The following PPARD variants were observed in gnomAD, a reference collection of about 807,000 sequenced individuals.
PPARD encodes the protein peroxisome proliferator activated receptor delta.
PPARD carries 6 observed loss-of-function variants against 39.5 expected under a neutral mutation model. That is an observed-to-expected ratio of 0.15 (90% CI 0.08 to 0.30). The LOEUF is 0.30. Ranked by LOEUF, PPARD falls within the 10% of genes least tolerant of loss-of-function variation. The pLI is 1.00. For missense variants in PPARD, 397 were observed against 596.8 expected (o/e 0.67, Z 3.49); for synonymous variants, 210 against 231.3 (o/e 0.91, Z 0.83).
chr6:35,391,622 C>T (rs895989436), intron 2 of PPARD, among the ~76,000 whole-genome samples: 8 of 152,208 alleles, frequency 5.3e-5, no homozygotes, highest in African/African-American at 1.9e-4. Flanking sequence ...TTGGGAATTG[C>T]TGACAGCCAT....
intron 2 of PPARD, among the ~76,000 whole-genome samples, chr6:35,362,827 T>C (rs1404311432): frequency 2.0e-5 from 3 of 152,172 alleles, no homozygotes; most frequent in Non-Finnish European, 4.4e-5. Context: ...TGGCACCTGC[T>C]CCTCCACCCT....
intron 2 of PPARD, among the ~76,000 whole-genome samples, chr6:35,387,795 C>G (rs1381134676): frequency 7.2e-6 from 1 of 138,780 alleles, no homozygotes; most frequent in African/African-American, 2.8e-5. Flanking sequence ...GATCTCTGCT[C>G]ACTGCAACCT....
chr6:35,351,215 C>T (rs1268774109), intron 2 of PPARD, among the ~76,000 whole-genome samples: 3 of 151,538 alleles, frequency 2.0e-5, no homozygotes, highest in African/African-American at 4.9e-5. Flanking sequence ...TTAGTAGAGA[C>T]GGGGTTTCAC....
At chr6:35,418,105 A>G (rs1765892641) in intron 3 of PPARD, among the ~76,000 whole-genome samples, 1 of 152,196 alleles carries the variant, frequency 6.6e-6, no homozygotes, top group African/African-American at 2.4e-5. Flanking sequence ...TCCAAAGGGA[A>G]CGTGAGTAGA....
In PPARD at chr6:35,425,979, T is replaced by G. The variant is rs1227248054; in HGVS notation, c.1226T>G (p.Leu409Arg). 1 of 1,613,990 alleles carries G rather than the reference T, an allele frequency of 6.2e-7. No individual in the cohort carries two copies. The change falls in exon 8 of 8, where the codon CTG becomes CGG. Residue 409 changes from leucine to arginine, a missense_variant. By Grantham distance (102) the Leu-to-Arg change is moderately radical (BLOSUM62 -2). Transcript: ENST00000360694. This position sits in a 1 kb window ranked among gnomAD's most constrained non-coding sequence, Gnocchi z 4.5. ...LLQKMADLRQ[L>R]VTEHAQMMQR... ...CAGAAGATGGCTGACCTGCGGCAACTGGTCACCGAGCACGCCCAGATGATG... is the reference window on the plus strand; with the variant it reads ...CAGAAGATGGCTGACCTGCGGCAACGGGTCACCGAGCACGCCCAGATGATG...
chr6:35,405,807 T>C (rs1023088394), intron 2 of PPARD, among the ~76,000 whole-genome samples: 6 of 152,108 alleles, frequency 3.9e-5, no homozygotes, highest in Non-Finnish European at 7.4e-5. Flanking sequence ...TTTTTGTATT[T>C]TTAGTAGAGA....
At position 35,385,658 on chromosome 6, in the gene PPARD, A is replaced by C. The variant is rs566042921; in HGVS notation, c.-101-25329A>C. Among the ~76,000 whole-genome samples the C allele has an allele frequency of 4.3e-3, 646 of 150,522 alleles. 5 individuals are homozygous for C. Among genetic ancestry groups the C allele is most frequent in the Non-Finnish European group, 7.8e-3 (531 of 67,800 alleles). ...AAATAAATAAATTTAAAAAAAAAAAAAAAAAAAAACAAATGGGTAACTTGC... is the reference window on the plus strand; with the variant it reads ...AAATAAATAAATTTAAAAAAAAAAACAAAAAAAAACAAATGGGTAACTTGC... On this transcript the variant is annotated intron_variant, in intron 2 of 7. Transcript: ENST00000360694.
chr6:35,374,140 C>T (rs1417390105), intron 2 of PPARD, among the ~76,000 whole-genome samples: 1 of 152,112 alleles, frequency 6.6e-6, no homozygotes, highest in East Asian at 1.9e-4. Context: ...ACAGGGTTTC[C>T]TGCCTCCAAA....
intron 4 of PPARD, among the ~76,000 whole-genome samples, chr6:35,421,152 G>A (rs963196194): frequency 1.3e-5 from 2 of 151,712 alleles, no homozygotes; most frequent in Non-Finnish European, 2.9e-5. Context: ...TAATAGGGAC[G>A]GGGTTTCACC....
chr6:35,424,554 G>A lies in PPARD; in HGVS notation c.853G>A (p.Gly285Ser). 1 of 1,614,246 alleles carries A rather than the reference G, an allele frequency of 6.2e-7. No individual in the cohort carries two copies. Among genetic ancestry groups the A allele is most frequent in the Non-Finnish European group, 8.5e-7 (1 of 1,180,046 alleles). Residue 285 changes from glycine (G) to serine (S), a missense_variant, in exon 7 of 8, where the codon GGC becomes AGC. Physicochemically the swap from Gly to Ser is moderately conservative, Grantham distance 56 (BLOSUM62 0). Transcript: ENST00000360694. This position sits in a 1 kb window ranked among gnomAD's most constrained non-coding sequence, Gnocchi z 7.1. ...CGACCAGGTTACCCTTCTCAAGTAT[G>A]GCGTGCACGAGGCCATCTTCGCCAT... The part of the protein sequence containing the change: ...LNDQVTLLKY[G>S]VHEAIFAMLA...
intron 2 of PPARD, among the ~76,000 whole-genome samples, chr6:35,360,090 G>A (rs560598003): frequency 1.3e-5 from 2 of 152,238 alleles, no homozygotes; most frequent in East Asian, 3.9e-4. Flanking sequence ...GGGGCCTCCT[G>A]CAGAGTCTCA....
At chr6:35,403,387 A>G (rs1434584560) in intron 2 of PPARD, among the ~76,000 whole-genome samples, 1 of 152,072 alleles carries the variant, frequency 6.6e-6, no homozygotes, top group East Asian at 1.9e-4. Context: ...AAGTCATAGG[A>G]TGGGAGGGAT....
Position 35,424,108 on chromosome 6 carries a change from A to G in PPARD, c.587A>G (p.Lys196Arg). The change falls in exon 6 of 8, where the codon AAG (lysine) becomes AGG (arginine). Residue 196 changes from lysine (K) to arginine (R), a missense_variant. Physicochemically the swap from Lys to Arg is conservative, Grantham distance 26. Coordinates refer to ENST00000360694, the MANE Select transcript of PPARD (RefSeq NM_006238.5). The surrounding 1 kb of genome is among the most constrained non-coding windows in gnomAD (Gnocchi z 7.1). ...AAAAACTTCAACATGACCAAAAAGA[A>G]GGCCCGCAGCATCCTCACCGGCAAA... ...YLKNFNMTKK[K>R]ARSILTGKAS... 6.2e-7 allele frequency: 1 copy of G among 1,613,740 alleles called. No homozygotes were observed. Among genetic ancestry groups the G allele is most frequent in the Non-Finnish European group, 8.5e-7 (1 of 1,180,034 alleles).
intron 2 of PPARD, among the ~76,000 whole-genome samples, chr6:35,364,317 A>G (rs1312712765): frequency 1.3e-5 from 2 of 151,098 alleles, no homozygotes; most frequent in Non-Finnish European, 3.0e-5. Context: ...GGTTGTTTCC[A>G]TTTTTTGACT....
intron 2 of PPARD, among the ~76,000 whole-genome samples, chr6:35,400,464 G>A (rs1484578951): frequency 6.6e-6 from 1 of 152,160 alleles, no homozygotes; most frequent in Non-Finnish European, 1.5e-5. Context: ...AACTGAGCTA[G>A]CCAGGTGCCC....
Position 35,425,476 on chromosome 6 carries a change from C to G in PPARD, c.1079-356C>G. 1 of 1,057,110 alleles carries G rather than the reference C, an allele frequency of 9.5e-7. No individual in the cohort carries two copies. Among genetic ancestry groups the G allele is most frequent in the Non-Finnish European group, 1.2e-6 (1 of 836,846 alleles). 65.5% of individuals were successfully genotyped at this position (1,057,110 alleles called of 1,614,324 possible). On this transcript the variant is annotated intron_variant, in intron 7 of 7. Transcript: ENST00000360694. The surrounding 1 kb of genome is among the most constrained non-coding windows in gnomAD (Gnocchi z 4.5). ...TGACTCACTTGATCCTCACAACAACCCTGTGCAGGAAGAATGTTTTGTGTC... is the reference window on the plus strand; with the variant it reads ...TGACTCACTTGATCCTCACAACAACGCTGTGCAGGAAGAATGTTTTGTGTC...
rs1407200303 is a variant in PPARD at position 35,347,172 on chromosome 6, A to G, written c.-102+22A>G. The G allele has an allele frequency of 2.0e-6, 3 of 1,535,678 alleles. No individual in the cohort carries two copies. In the Admixed American group the frequency reaches 5.9e-5, roughly 30 times the overall value. ...CGAGGTAATCCCATTTTCTTTACTC[A>G]GGGGTCTCTGACCACCACTGACACA... On this transcript the variant is annotated intron_variant, in intron 2 of 7. Transcript: ENST00000360694.
At chr6:35,351,442 G>A (rs894543261) in intron 2 of PPARD, among the ~76,000 whole-genome samples, 1 of 152,192 alleles carries the variant, frequency 6.6e-6, no homozygotes, top group African/African-American at 2.4e-5. Context: ...TTTTTAAAAA[G>A]TCTTTAAGTA....
At chr6:35,392,859 A>G (rs1445958357) in intron 2 of PPARD, among the ~76,000 whole-genome samples, 1 of 152,100 alleles carries the variant, frequency 6.6e-6, no homozygotes, top group Non-Finnish European at 1.5e-5. Context: ...GCACTTGGTA[A>G]GTAGAAAGAC....
Sources: allele counts gnomAD v4.1 joint callset (sites outside exome capture counted in the v4.1 genomes callset), GRCh38; gene constraint gnomAD v4.1.1; non-coding constraint Gnocchi (gnomAD v3.1); transcripts MANE v1.5; gene names NCBI Gene and HGNC (gene_info 2026-07-23, HGNC 2026-07-21).